LHFPL2: variants seen among roughly 807,000 people sequenced by gnomAD.
LHFPL2 encodes LHFPL tetraspan subfamily member 2 protein.
Under a neutral mutation model 17.5 loss-of-function variants are expected in LHFPL2, and 7 were observed. The observed-to-expected ratio is 0.40, with a 90% CI of 0.23 to 0.75. LHFPL2 has a LOEUF of 0.75. Among genes scored for constraint, LHFPL2 ranks in the 30% least tolerant of loss-of-function variants. The pLI, the probability that LHFPL2 is intolerant of heterozygous loss-of-function variation, is 0.37. For missense variants in LHFPL2, 241 were observed against 294.8 expected, an observed-to-expected ratio of 0.82 and a Z score of 1.34; for synonymous variants, 134 against 116.2, an observed-to-expected ratio of 1.15 and a Z score of -0.99.
rs866628238 is a variant in LHFPL2 at position 78,583,378 on chromosome 5, C to T, written c.-244-18507G>A. ...AGTTGATGCAGTTTCTTCCTAGTCT[C>T]GATGGTCTTTACATTTTGGCATGAT... On this transcript the variant is annotated intron_variant, in intron 2 of 4. Transcript: ENST00000380345. Among the ~76,000 whole-genome samples the T allele has an allele frequency of 4.6e-3, 695 of 151,748 alleles. 4 individuals carry two copies. The highest frequency in any genetic ancestry group is 0.015 in the African/African-American group (601 of 41,364).
At chr5:78,635,593 G>A (rs539256535) in intron 1 of LHFPL2, among the ~76,000 whole-genome samples, 2 of 152,326 alleles carry the variant, frequency 1.3e-5, no homozygotes, top group African/African-American at 4.8e-5. Context: ...ACGAGGTCAG[G>A]AGATCGAGAC....
At chr5:78,599,480 T>C (rs866196017) in intron 2 of LHFPL2, among the ~76,000 whole-genome samples, 3,488 of 149,016 alleles carry the variant, frequency 0.023, 131 homozygotes, top group African/African-American at 0.079. Context: ...TTTGTATTTT[T>C]TTTTTTTTTT....
chr5:78,626,804 G>A (rs951681912), intron 2 of LHFPL2, among the ~76,000 whole-genome samples: 2 of 152,032 alleles, frequency 1.3e-5, no homozygotes, highest in Non-Finnish European at 2.9e-5. Context: ...AAGCAGGCCT[G>A]GCGCGGTGGT....
At chr5:78,643,121 C>T (rs535676363) in intron 1 of LHFPL2, among the ~76,000 whole-genome samples, 21 of 152,266 alleles carry the variant, frequency 1.4e-4, no homozygotes, top group African/African-American at 4.3e-4. Context: ...TGCTCAAGAC[C>T]CCAAACCCTC....
At chr5:78,645,139 G>C (rs1000662060) in intron 1 of LHFPL2, among the ~76,000 whole-genome samples, 1 of 152,142 alleles carries the variant, frequency 6.6e-6, no homozygotes, top group Non-Finnish European at 1.5e-5. Flanking sequence ...GACCAGGCTG[G>C]AGAGTGGAAG....
intron 3 of LHFPL2, among the ~76,000 whole-genome samples, chr5:78,530,866 G>T (rs773527825): frequency 6.6e-6 from 1 of 152,172 alleles, no homozygotes; most frequent in African/African-American, 2.4e-5. Context: ...TGACAACGGT[G>T]TCCCTTCAAC....
intron 3 of LHFPL2, among the ~76,000 whole-genome samples, chr5:78,531,058 G>A (rs1004513663): frequency 6.6e-6 from 1 of 152,170 alleles, no homozygotes; most frequent in African/African-American, 2.4e-5. Context: ...TTAAGGGGGT[G>A]CAAAATGGTT....
At chr5:78,598,657 C>T (rs1425017601) in intron 2 of LHFPL2, among the ~76,000 whole-genome samples, 1 of 152,168 alleles carries the variant, frequency 6.6e-6, no homozygotes, top group Non-Finnish European at 1.5e-5. Flanking sequence ...TGGGTCAAGA[C>T]AACCTTACAA....
chr5:78,641,263 C>T (rs2112527939), intron 1 of LHFPL2, among the ~76,000 whole-genome samples: 1 of 152,306 alleles, frequency 6.6e-6, no homozygotes, highest in South Asian at 2.1e-4. Context: ...TCAGAACACC[C>T]TAGTTTCCAT....
intron 3 of LHFPL2, 112 bp downstream of exon 3, chr5:78,564,701 C>T (rs1756814208): frequency 2.0e-5 from 3 of 152,298 alleles, no homozygotes; most frequent in African/African-American, 7.2e-5. Flanking sequence ...GTGCTGACCA[C>T]ACAGGGTTCA....
chr5:78,491,077 ACACAT>A (rs1029777529), intron 4 of LHFPL2: 1 of 152,246 alleles, frequency 6.6e-6, no homozygotes, highest in Non-Finnish European at 1.5e-5. Flanking sequence ...GTTTCAACTT[ACACAT>A]CACAACTTTC....
intron 3 of LHFPL2, among the ~76,000 whole-genome samples, chr5:78,548,300 T>A (rs993886370): frequency 2.7e-4 from 41 of 152,362 alleles, no homozygotes; most frequent in Non-Finnish European, 5.0e-4. Context: ...GAGAAGGTAG[T>A]GGATGTTGTA....
chr5:78,491,614 TGTTAATA>T (rs1303245071), intron 4 of LHFPL2, among the ~76,000 whole-genome samples: 2 of 152,234 alleles, frequency 1.3e-5, no homozygotes, highest in Admixed American at 6.5e-5. Context: ...GAGGTGATTC[TGTTAATA>T]GTTAAGAGCT....
chr5:78,646,638 G>T (rs1295436900), intron 1 of LHFPL2, among the ~76,000 whole-genome samples: 1 of 152,134 alleles, frequency 6.6e-6, no homozygotes, highest in Admixed American at 6.5e-5. Flanking sequence ...TTGAGAAGCT[G>T]TATATAGTGT....
chr5:78,520,406 C>T (rs143917431), intron 3 of LHFPL2, among the ~76,000 whole-genome samples: 4 of 152,208 alleles, frequency 2.6e-5, no homozygotes, highest in Admixed American at 6.5e-5. Flanking sequence ...AAAGTGAAGG[C>T]GCTGGACTTG....
At chr5:78,543,288 C>T (rs1015599204) in intron 3 of LHFPL2, among the ~76,000 whole-genome samples, 1 of 152,164 alleles carries the variant, frequency 6.6e-6, no homozygotes, top group Admixed American at 6.5e-5. Context: ...ACAGAGACAG[C>T]CATTCTCTTT....
intron 2 of LHFPL2, among the ~76,000 whole-genome samples, chr5:78,570,050 A>G (rs1756955483): frequency 6.6e-6 from 1 of 152,206 alleles, no homozygotes; most frequent in African/African-American, 2.4e-5. Flanking sequence ...GTTCATTCAC[A>G]TAATTCTTAC....
At chr5:78,516,252 C>CA (rs5868923) in intron 3 of LHFPL2, among the ~76,000 whole-genome samples, 135,932 of 152,170 alleles carry the variant, frequency 0.89, 60,926 homozygotes, top group African/African-American at 0.95. Context: ...CTTTAGGGTA[C>CA]GTCTAAACAT....
chr5:78,535,496 T>C (rs931197603), intron 3 of LHFPL2, among the ~76,000 whole-genome samples: 1 of 151,442 alleles, frequency 6.6e-6, no homozygotes. Flanking sequence ...TAGGACCCCC[T>C]CTCCCACCAG....
Sources: gnomAD v4.1 joint callset for allele counts (sites outside exome capture counted in the v4.1 genomes callset) on GRCh38, gnomAD v4.1.1 for gene constraint, MANE v1.5 for transcripts, NCBI Gene and HGNC (gene_info 2026-07-23, HGNC 2026-07-21) for gene names.